The following ZC3H12C variants were observed in gnomAD, a reference collection of about 807,000 sequenced individuals.
ZC3H12C encodes the protein probable ribonuclease ZC3H12C.
ZC3H12C carries 20 observed loss-of-function variants against 76.3 expected under a neutral mutation model. The observed-to-expected ratio is 0.26, with a 90% CI of 0.18 to 0.38. The LOEUF (loss-of-function observed/expected upper bound fraction) is 0.38. Among genes scored for constraint, ZC3H12C ranks in the 10% least tolerant of loss-of-function variants. The pLI, the probability that ZC3H12C is intolerant of heterozygous loss-of-function variation, is 1.00. For synonymous variants in ZC3H12C, 352 were observed against 399.6 expected (o/e 0.88, Z 1.42); for missense variants, 874 against 1,086.5 (o/e 0.80, Z 2.75).
chr11:110,163,436 C>A, intron 5 of ZC3H12C, 57 bp downstream of exon 5: 1 of 1,390,784 alleles, frequency 7.2e-7, no homozygotes, highest in Non-Finnish European at 9.7e-7. Flanking sequence ...TATTATTAAA[C>A]TTTTGTTAAC....
At chr11:110,146,325 A>G (rs573112246) in intron 2 of ZC3H12C, among the ~76,000 whole-genome samples, 1 of 152,340 alleles carries the variant, frequency 6.6e-6, no homozygotes, top group South Asian at 2.1e-4. Context: ...AAAACAAGAA[A>G]GATGAACAGA....
At chr11:110,145,992 T>G (rs1862160482) in intron 2 of ZC3H12C, among the ~76,000 whole-genome samples, 1 of 152,154 alleles carries the variant, frequency 6.6e-6, no homozygotes, top group South Asian at 2.1e-4. Context: ...TAGTTTAGTT[T>G]TGTTTTGTTT....
intron 1 of ZC3H12C, among the ~76,000 whole-genome samples, chr11:110,108,353 A>C (rs1476050228): frequency 6.6e-6 from 1 of 152,198 alleles, no homozygotes; most frequent in Non-Finnish European, 1.5e-5. Context: ...CTCTCTCAAA[A>C]AAGGTTCAGA....
chr11:110,107,291 CTG>C (rs1861346620), intron 1 of ZC3H12C, among the ~76,000 whole-genome samples: 1 of 152,124 alleles, frequency 6.6e-6, no homozygotes, highest in Admixed American at 6.5e-5. Context: ...ATTTTTATCA[CTG>C]TTGTTCGTTT....
intron 1 of ZC3H12C, chr11:110,136,125 G>C (rs614560): frequency 0.48 from 73,155 of 152,064 alleles, 17,916 homozygotes; most frequent in East Asian, 0.72. Flanking sequence ...TTAGATTGCT[G>C]TTAAGCTTCA....
At position 110,168,578 on chromosome 11, in the gene ZC3H12C, A is replaced by C. The variant is rs1328128936; in HGVS notation, c.*2841A>C. 6.6e-6 allele frequency: 1 copy of C among 152,148 alleles called. No homozygotes were observed. The highest frequency in any genetic ancestry group is 6.5e-5 in the Admixed American group (1 of 15,282). 9.4% of individuals were successfully genotyped at this position (152,148 alleles called of 1,614,324 possible). On this transcript the variant is annotated 3_prime_UTR_variant, in exon 6 of 6. Coordinates refer to ENST00000278590, the MANE Select transcript of ZC3H12C (RefSeq NM_033390.2). ...TGCCAGAAATGGTCAACTGATCGGA[A>C]AAAAAAGGATTCAGACTGGAGTATT...
chr11:110,163,678 G>A (rs527943003), intron 5 of ZC3H12C, among the ~76,000 whole-genome samples: 1 of 152,178 alleles, frequency 6.6e-6, no homozygotes, highest in Non-Finnish European at 1.5e-5. Flanking sequence ...CAAATCAGAT[G>A]AGCATGGTTC....
At chr11:110,137,595 A>T (rs2134177742) in intron 2 of ZC3H12C, among the ~76,000 whole-genome samples, 181 bp downstream of exon 2, 1 of 152,228 alleles carries the variant, frequency 6.6e-6, no homozygotes, top group South Asian at 2.1e-4. Context: ...AGCCATCTTT[A>T]CTTCATTTAT....
intron 1 of ZC3H12C, among the ~76,000 whole-genome samples, chr11:110,114,701 A>G (rs534998080): frequency 6.6e-6 from 1 of 152,344 alleles, no homozygotes; most frequent in Non-Finnish European, 1.5e-5. Context: ...TTGATCAGCT[A>G]GCTCATGTCT....
rs570691746 is a variant in ZC3H12C at position 110,108,940 on chromosome 11, G to A, written c.21+15508G>A. ...AGCTGTTAACCAATACATGCAACAAGTTGAATTAACAAAGTTGTTCAATAT... is the reference window on the plus strand; with the variant it reads ...AGCTGTTAACCAATACATGCAACAAATTGAATTAACAAAGTTGTTCAATAT... On this transcript the variant is annotated intron_variant, in intron 1 of 5. Coordinates refer to ENST00000278590, the MANE Select transcript of ZC3H12C (RefSeq NM_033390.2). Among the ~76,000 whole-genome samples the A allele has an allele frequency of 1.1e-4, 17 of 152,296 alleles. No homozygotes were observed. In the South Asian group the frequency reaches 2.9e-3, roughly 26 times the overall value.
intron 1 of ZC3H12C, chr11:110,130,875 G>T (rs781624316): frequency 4.7e-6 from 3 of 641,152 alleles, no homozygotes; most frequent in African/African-American, 3.7e-5. Flanking sequence ...CGAACCTGAC[G>T]CAGGGTGCTG....
chr11:110,118,623 C>A (rs1302449126), intron 1 of ZC3H12C, among the ~76,000 whole-genome samples: 3 of 152,010 alleles, frequency 2.0e-5, no homozygotes, highest in African/African-American at 7.2e-5. Context: ...ATGGTAAAGC[C>A]CCGTCTCTAC....
chr11:110,136,900 T>G lies in ZC3H12C; in HGVS notation c.259T>G (p.Ser87Ala). 20 of 1,613,764 alleles carry G rather than the reference T, an allele frequency of 1.2e-5. No individual in the cohort carries two copies. The highest frequency in any genetic ancestry group is 1.7e-5 in the Non-Finnish European group (20 of 1,179,808). The stretch of plus-strand genomic sequence containing the variant: ...AGAGGCGTCTGAAGAGAATGCAAGC[T>G]CTGGTGACTCTGAAGAAAACACAAA... ...EKEASEENAS[S>A]GDSEENTNSD... is the part of the protein sequence containing the mutation. Residue 87 changes from serine to alanine, a missense_variant, in exon 2 of 6, where the codon TCT (serine) becomes GCT (alanine). Ser to Ala is a moderately conservative substitution (Grantham distance 99). Coordinates refer to ENST00000278590, the MANE Select transcript of ZC3H12C (RefSeq NM_033390.2).
chr11:110,164,277 G>T lies in ZC3H12C; in HGVS notation c.1256-64G>T. The T allele has an allele frequency of 7.1e-7, 1 of 1,416,156 alleles. No individual in the cohort carries two copies. The allele number at this position is 1,416,156 out of a possible 1,614,324, so 87.7% of individuals were successfully genotyped here. A position where few individuals can be genotyped will look rare whatever the true frequency, so the allele number is the denominator to read the frequency against. ...CTCTTCTACAAGTTAAAATCATAGG[G>T]CCAAACTGAGTTTTCAGGATCTGAT... On this transcript the variant is annotated intron_variant, in intron 5 of 5. Transcript: ENST00000278590. This position sits in a 1 kb window ranked among gnomAD's most constrained non-coding sequence, Gnocchi z 5.7.
chr11:110,114,005 C>G (rs1313345895), intron 1 of ZC3H12C, among the ~76,000 whole-genome samples: 1 of 152,148 alleles, frequency 6.6e-6, no homozygotes, highest in Non-Finnish European at 1.5e-5. Flanking sequence ...TAGAAGAACA[C>G]TATTCCCTTT....
At chr11:110,128,020 C>T (rs750978470) in intron 1 of ZC3H12C, among the ~76,000 whole-genome samples, 18 of 151,890 alleles carry the variant, frequency 1.2e-4, no homozygotes, top group African/African-American at 3.4e-4. Context: ...CACATTCATA[C>T]GTCAGAAAAA....
chr11:110,130,190 G>A (rs1048881643), intron 1 of ZC3H12C, among the ~76,000 whole-genome samples: 8 of 152,094 alleles, frequency 5.3e-5, no homozygotes, highest in Non-Finnish European at 1.0e-4. Context: ...GGCATACATA[G>A]GATAGGTTAT....
chr11:110,152,833 T>C lies in ZC3H12C; in HGVS notation c.774-86T>C, dbSNP rs1425624637. On this transcript the variant is annotated intron_variant, in intron 2 of 5. Transcript: ENST00000278590. ...ACGTCTCTTATTACTGTTGTAACTA[T>C]GTAATACTTTCTGTTTATAAACTTG... 2.1e-6 allele frequency: 3 copies of C among 1,428,624 alleles called. No individual in the cohort carries two copies. In the African/African-American group the frequency reaches 4.3e-5, roughly 20 times the overall value. 88.5% of individuals were successfully genotyped at this position (1,428,624 alleles called of 1,614,324 possible). A position where few individuals can be genotyped will look rare whatever the true frequency, so the allele number is the denominator to read the frequency against.
chr11:110,114,274 TATAGGA>T (rs1861486095), intron 1 of ZC3H12C, among the ~76,000 whole-genome samples: 1 of 152,196 alleles, frequency 6.6e-6, no homozygotes, highest in South Asian at 2.1e-4. Flanking sequence ...CCATAGGGAA[TATAGGA>T]ATAGTTTGTC....
Sources: allele counts gnomAD v4.1 joint callset (sites outside exome capture counted in the v4.1 genomes callset), GRCh38; gene constraint gnomAD v4.1.1; non-coding constraint Gnocchi (gnomAD v3.1); transcripts MANE v1.5; gene names NCBI Gene and HGNC (gene_info 2026-07-23, HGNC 2026-07-21).